Variants in RSRC1 observed in about 807,000 individuals in gnomAD.
RSRC1 encodes arginine and serine rich coiled-coil 1, also known as serine/Arginine-related protein 53.
Under a neutral mutation model 49.1 loss-of-function variants are expected in RSRC1, and 39 were observed. That is an observed-to-expected ratio of 0.79 (90% CI 0.61 to 1.04). RSRC1 has a LOEUF of 1.04. RSRC1 is among the 50% of genes least tolerant of loss of function. RSRC1 has a pLI of 0.00. For missense variants in RSRC1, 388 were observed against 402.4 expected (o/e 0.96, Z 0.31); for synonymous variants, 143 against 130.8 (o/e 1.09, Z -0.63).
At chr3:158,275,742 C>G in intron 4 of RSRC1, 2 of 409,390 alleles carry the variant, frequency 4.9e-6, no homozygotes, top group Non-Finnish European at 3.8e-6. Context: ...AGACAAATAA[C>G]ACCTGTAAGC....
At chr3:158,169,936 A>C (rs1159396987) in intron 3 of RSRC1, among the ~76,000 whole-genome samples, 1 of 152,178 alleles carries the variant, frequency 6.6e-6, no homozygotes, top group African/African-American at 2.4e-5. Flanking sequence ...GTAATGCTTA[A>C]GGATATATAG....
chr3:158,189,070 T>A (rs1278463955), intron 3 of RSRC1, among the ~76,000 whole-genome samples: 5 of 151,924 alleles, frequency 3.3e-5, no homozygotes, highest in African/African-American at 9.7e-5. Flanking sequence ...TGATTTCTTC[T>A]TTCCCATGGG....
chr3:158,420,538 G>T (rs1409548075), intron 6 of RSRC1, among the ~76,000 whole-genome samples: 2 of 151,888 alleles, frequency 1.3e-5, no homozygotes, highest in Non-Finnish European at 2.9e-5. Context: ...CACTTAACCT[G>T]TCTGAGTTTC....
At chr3:158,348,385 C>T (rs912733369) in intron 5 of RSRC1, among the ~76,000 whole-genome samples, 3 of 152,014 alleles carry the variant, frequency 2.0e-5, no homozygotes, top group African/African-American at 7.2e-5. Context: ...AAGGATTATG[C>T]TGGTTTTGAA....
chr3:158,182,726 A>C (rs926537227), intron 3 of RSRC1, among the ~76,000 whole-genome samples: 1 of 152,236 alleles, frequency 6.6e-6, no homozygotes, highest in Admixed American at 6.5e-5. Context: ...TTCAAATAAA[A>C]TAATTAGTAT....
rs539487709 is a variant in RSRC1 at position 158,390,950 on chromosome 3, CA to C, written c.583+36046del. Among the ~76,000 whole-genome samples, 28 of 152,096 alleles carry C rather than the reference CA, an allele frequency of 1.8e-4. No individual in the cohort carries two copies. The East Asian group carries it at 3.1e-3, about 17-fold the overall frequency. ...TATTAAATATATTACAATGACTCTCCAAAATTACTTATTATTTTTTCTGTGT... is the reference window on the plus strand; with the variant it reads ...TATTAAATATATTACAATGACTCTCCAAATTACTTATTATTTTTTCTGTGT... On this transcript the variant is annotated intron_variant, in intron 6 of 9. Coordinates refer to ENST00000611884, the MANE Select transcript of RSRC1 (RefSeq NM_001271838.2).
chr3:158,221,349 C>T, intron 4 of RSRC1, among the ~76,000 whole-genome samples: 1 of 151,140 alleles, frequency 6.6e-6, no homozygotes, highest in South Asian at 2.1e-4. Context: ...GCTTTATAGG[C>T]TGCTTTTTTT....
At chr3:158,423,889 A>T (rs1167127795) in intron 6 of RSRC1, among the ~76,000 whole-genome samples, 9 of 151,370 alleles carry the variant, frequency 5.9e-5, no homozygotes, top group Non-Finnish European at 1.3e-4. Context: ...TTATTGGTGT[A>T]TAAGAATGCT....
At chr3:158,409,347 A>G (rs1020260619) in intron 6 of RSRC1, among the ~76,000 whole-genome samples, 10 of 152,190 alleles carry the variant, frequency 6.6e-5, no homozygotes, top group Non-Finnish European at 1.5e-4. Context: ...AGGGATATAA[A>G]GAGTCCAGCA....
intron 4 of RSRC1, among the ~76,000 whole-genome samples, chr3:158,245,841 T>C (rs1283367357): frequency 6.6e-6 from 1 of 152,182 alleles, no homozygotes; most frequent in Non-Finnish European, 1.5e-5. Flanking sequence ...TCTTTGTTGG[T>C]TTAAAGTTTG....
chr3:158,498,492 G>A (rs1323550322), intron 7 of RSRC1, among the ~76,000 whole-genome samples: 4 of 64,596 alleles, frequency 6.2e-5, no homozygotes, highest in East Asian at 4.0e-4. Flanking sequence ...TGTGTAGATC[G>A]TGAATATTTT....
intron 5 of RSRC1, among the ~76,000 whole-genome samples, chr3:158,320,252 G>A (rs1048890593): frequency 2.6e-5 from 4 of 152,112 alleles, no homozygotes; most frequent in Non-Finnish European, 4.4e-5. Context: ...TATCAGGGAC[G>A]GAGATCTGGA....
At chr3:158,418,714 T>C (rs1423168052) in intron 6 of RSRC1, among the ~76,000 whole-genome samples, 2 of 151,914 alleles carry the variant, frequency 1.3e-5, no homozygotes, top group African/African-American at 4.8e-5. Context: ...GTAAAACAAG[T>C]CCTAAAATTT....
intron 6 of RSRC1, among the ~76,000 whole-genome samples, chr3:158,419,954 A>G (rs1203280838): frequency 1.3e-5 from 2 of 151,786 alleles, no homozygotes; most frequent in Non-Finnish European, 2.9e-5. Context: ...ACTCAAACAC[A>G]TACATTTGTT....
chr3:158,453,955 A>G (rs936238654), intron 6 of RSRC1, among the ~76,000 whole-genome samples: 2 of 152,098 alleles, frequency 1.3e-5, no homozygotes, highest in Admixed American at 1.3e-4. Context: ...TTGATTAAAT[A>G]TAAACTATTC....
At position 158,193,258 on chromosome 3, in the gene RSRC1, A is replaced by T. The variant is rs1343796436; in HGVS notation, c.321-9814A>T. ...TCTGAATACGTATGTAACTTTGAGCATATTAGTAACAGATACATTTAGTTT... is the reference window on the plus strand; with the variant it reads ...TCTGAATACGTATGTAACTTTGAGCTTATTAGTAACAGATACATTTAGTTT... On this transcript the variant is annotated intron_variant, in intron 3 of 9. Coordinates refer to ENST00000611884, the MANE Select transcript of RSRC1 (RefSeq NM_001271838.2). 2.6e-5 allele frequency among the ~76,000 whole-genome samples: 4 copies of T among 152,140 alleles called. No homozygotes were observed. The East Asian group carries it at 7.7e-4, about 29-fold the overall frequency.
chr3:158,160,243 C>T (rs1159458528), intron 3 of RSRC1, among the ~76,000 whole-genome samples: 1 of 152,084 alleles, frequency 6.6e-6, no homozygotes, highest in Non-Finnish European at 1.5e-5. Context: ...TTAAAGAAAT[C>T]TTCAATGCCC....
At chr3:158,213,499 G>A (rs1721795228) in intron 4 of RSRC1, among the ~76,000 whole-genome samples, 1 of 100,324 alleles carries the variant, frequency 1.0e-5, no homozygotes, top group Non-Finnish European at 2.2e-5. Flanking sequence ...GAACCTTGTG[G>A]GTATAAACCC....
intron 6 of RSRC1, among the ~76,000 whole-genome samples, chr3:158,428,911 T>C (rs1381685225): frequency 6.6e-6 from 1 of 151,898 alleles, no homozygotes; most frequent in Non-Finnish European, 1.5e-5. Flanking sequence ...TCTCTAGCAG[T>C]GTGCCAAACA....
Sources: gnomAD v4.1 joint callset for allele counts (sites outside exome capture counted in the v4.1 genomes callset) on GRCh38, gnomAD v4.1.1 for gene constraint, MANE v1.5 for transcripts, NCBI Gene and HGNC (gene_info 2026-07-23, HGNC 2026-07-21) for gene names.